The following MYO3B variants were observed in gnomAD, a reference collection of about 807,000 sequenced individuals.
MYO3B encodes myosin IIIB, also known as myosin-IIIb.
Under a neutral mutation model 174.6 loss-of-function variants are expected in MYO3B, and 156 were observed. The observed-to-expected ratio is 0.89, with a 90% CI of 0.78 to 1.02. The LOEUF (loss-of-function observed/expected upper bound fraction) is 1.02, where lower values mean the gene tolerates loss of function less well. Among genes scored for constraint, MYO3B ranks in the 50% least tolerant of loss-of-function variants. MYO3B has a pLI of 0.00. For synonymous variants in MYO3B, 563 were observed against 569.1 expected (o/e 0.99, Z 0.15); for missense variants, 1,632 against 1,639.4 (o/e 1.00, Z 0.08).
intron 1 of MYO3B, among the ~76,000 whole-genome samples, chr2:170,196,886 G>C (rs2092606406): frequency 6.6e-6 from 1 of 152,186 alleles, no homozygotes; most frequent in African/African-American, 2.4e-5. Context: ...CCTGAATTCT[G>C]CTAAGGTGTA....
intron 7 of MYO3B, among the ~76,000 whole-genome samples, chr2:170,265,820 A>G (rs781292069): frequency 6.6e-6 from 1 of 152,212 alleles, no homozygotes; most frequent in Non-Finnish European, 1.5e-5. Flanking sequence ...ATTTAAAACC[A>G]TTTACAAAAG....
At chr2:170,569,594 G>A (rs1692301379) in intron 32 of MYO3B, among the ~76,000 whole-genome samples, 1 of 151,108 alleles carries the variant, frequency 6.6e-6, no homozygotes. Context: ...GGGTGAGGTG[G>A]CTCACACCTG....
rs764664846 is a variant in MYO3B at position 170,499,772 on chromosome 2, G to A, written c.3253G>A (p.Glu1085Lys). Residue 1085 changes from glutamate (E) to lysine (K), a missense_variant, in exon 27 of 35, where the codon GAG becomes AAG. Transcript: ENST00000408978. Reference protein sequence around the residue: ...LGARRYKRVREKREKGAIAIQ... With the variant: ...LGARRYKRVRKKREKGAIAIQ... Reference sequence around the variant, plus strand: ...AGCCAGGAGATACAAAAGGGTCAGAGAGAAGAGAGAGAAGGGAGCCATTGC... The same window carrying A: ...AGCCAGGAGATACAAAAGGGTCAGAAAGAAGAGAGAGAAGGGAGCCATTGC... The A allele has an allele frequency of 1.9e-6, 3 of 1,613,642 alleles. No homozygotes were observed. Among genetic ancestry groups the A allele is most frequent in the Admixed American group, 3.3e-5 (2 of 60,000 alleles).
At chr2:170,505,285 A>C (rs1337374071) in intron 28 of MYO3B, among the ~76,000 whole-genome samples, 1 of 151,886 alleles carries the variant, frequency 6.6e-6, no homozygotes, top group Non-Finnish European at 1.5e-5. Flanking sequence ...GTGGGAAGCA[A>C]CTCTGCATAT....
chr2:170,220,985 C>T lies in MYO3B; in HGVS notation c.603+3590C>T, dbSNP rs543277580. ...TTTTTTCCAACAAAGTCTCTTTTTG[C>T]GCCATAATCCTCCATAGGAATGTCC... On this transcript the variant is annotated intron_variant, in intron 6 of 34. Coordinates refer to ENST00000408978, the MANE Select transcript of MYO3B (RefSeq NM_138995.5). 1.3e-3 allele frequency among the ~76,000 whole-genome samples: 205 copies of T among 152,208 alleles called. 1 individual carries two copies. In the Middle Eastern group the frequency reaches 0.017, roughly 13 times the overall value.
At position 170,206,666 on chromosome 2, in the gene MYO3B, A is replaced by G. The variant is rs961903221; in HGVS notation, c.321+6382A>G. 6.6e-6 allele frequency among the ~76,000 whole-genome samples: 1 copy of G among 152,228 alleles called. No individual in the cohort carries two copies. The highest frequency in any genetic ancestry group is 6.5e-5 in the Admixed American group (1 of 15,294). On this transcript the variant is annotated intron_variant, in intron 3 of 34. Transcript: ENST00000408978. The surrounding 1 kb of genome is among the most constrained non-coding windows in gnomAD (Gnocchi z 4.3). Reference sequence around the variant, plus strand: ...ATATCCAATTTTCACTGTCCAGTTCAAGGCTTAGTCATTTGGGTACGTACT... The same window carrying G: ...ATATCCAATTTTCACTGTCCAGTTCGAGGCTTAGTCATTTGGGTACGTACT...
chr2:170,191,688 G>C (rs2092542538), intron 1 of MYO3B, among the ~76,000 whole-genome samples: 1 of 152,178 alleles, frequency 6.6e-6, no homozygotes, highest in Admixed American at 6.5e-5. Flanking sequence ...CGTGCCACAT[G>C]ACTGTGGCTG....
intron 30 of MYO3B, among the ~76,000 whole-genome samples, chr2:170,529,490 T>G (rs1689210172): frequency 6.6e-6 from 1 of 152,040 alleles, no homozygotes; most frequent in Non-Finnish European, 1.5e-5. Context: ...CCTTATACTA[T>G]TTATATCTAC....
At position 170,516,462 on chromosome 2, in the gene MYO3B, T is replaced by C. The variant is rs150123839; in HGVS notation, c.3472+1440T>C. On this transcript the variant is annotated intron_variant, in intron 29 of 34. Coordinates refer to ENST00000408978, the MANE Select transcript of MYO3B (RefSeq NM_138995.5). Reference sequence around the variant, plus strand: ...ACAGACCATCCTGGCTAACACACAATGAAACCCCATCTCTACTAAAAATAC... The same window carrying C: ...ACAGACCATCCTGGCTAACACACAACGAAACCCCATCTCTACTAAAAATAC... Among the ~76,000 whole-genome samples, 144 of 152,028 alleles carry C rather than the reference T, an allele frequency of 9.5e-4. No homozygotes were observed. The East Asian group carries it at 0.026, about 28-fold the overall frequency.
At chr2:170,326,370 A>G (rs1006151022) in intron 7 of MYO3B, among the ~76,000 whole-genome samples, 10 of 152,244 alleles carry the variant, frequency 6.6e-5, no homozygotes, top group Non-Finnish European at 1.2e-4. Context: ...GAAAAAGAAC[A>G]GGGTTGTGGT....
intron 23 of MYO3B, among the ~76,000 whole-genome samples, chr2:170,456,172 G>A (rs1683897934): frequency 6.6e-6 from 1 of 152,082 alleles, no homozygotes. Flanking sequence ...GTGGGGGGGT[G>A]GGGCGGTAAA....
At chr2:170,198,911 A>G (rs934989392) in intron 1 of MYO3B, among the ~76,000 whole-genome samples, 4 of 152,134 alleles carry the variant, frequency 2.6e-5, no homozygotes, top group African/African-American at 9.7e-5. Flanking sequence ...CTGTCCAATC[A>G]TGACCAGAAC....
intron 7 of MYO3B, among the ~76,000 whole-genome samples, chr2:170,310,683 A>AAAAAAG (rs2093733296): frequency 6.6e-6 from 1 of 151,156 alleles, no homozygotes; most frequent in South Asian, 2.1e-4. Flanking sequence ...AAAAAAAAAA[A>AAAAAAG]AAAAGAAATA....
At chr2:170,314,090 G>A (rs1470687433) in intron 7 of MYO3B, among the ~76,000 whole-genome samples, 1 of 152,160 alleles carries the variant, frequency 6.6e-6, no homozygotes, top group African/African-American at 2.4e-5. Context: ...TTTCAGAAAA[G>A]TAACATCCTG....
At chr2:170,198,669 G>A (rs6736789) in intron 1 of MYO3B, among the ~76,000 whole-genome samples, 5,290 of 152,122 alleles carry the variant, frequency 0.035, 300 homozygotes, top group African/African-American at 0.12. Context: ...TATGAGTGTG[G>A]GTGCTTTAAA....
At chr2:170,372,118 C>CAAAAAAAAAAAAAAAAAAAAAAAAAAAA (rs769243145) in intron 9 of MYO3B, among the ~76,000 whole-genome samples, 2 of 22,208 alleles carry the variant, frequency 9.0e-5, no homozygotes, top group South Asian at 2.4e-3. Flanking sequence ...GACCCTGTCT[C>CAAAAAAAAAAAAAAAAAAAAAAAAAAAA]AAAAAAAAAA....
At chr2:170,262,140 T>G (rs529519635) in intron 7 of MYO3B, among the ~76,000 whole-genome samples, 3 of 152,210 alleles carry the variant, frequency 2.0e-5, no homozygotes, top group Admixed American at 2.0e-4. Context: ...ACCAAGGAGA[T>G]CCAGGGAGGC....
intron 32 of MYO3B, among the ~76,000 whole-genome samples, chr2:170,607,513 A>G (rs1261750610): frequency 1.3e-5 from 2 of 152,170 alleles, no homozygotes; most frequent in African/African-American, 4.8e-5. Context: ...TTTGGCCCAC[A>G]TTTCACTGGC....
chr2:170,497,733 A>T (rs1686971188), intron 25 of MYO3B, among the ~76,000 whole-genome samples: 1 of 152,044 alleles, frequency 6.6e-6, no homozygotes, highest in Non-Finnish European at 1.5e-5. Context: ...TCTCTTGTTT[A>T]TCTGTCTCTT....
Sources: allele counts gnomAD v4.1 joint callset (sites outside exome capture counted in the v4.1 genomes callset), GRCh38; gene constraint gnomAD v4.1.1; non-coding constraint Gnocchi (gnomAD v3.1); transcripts MANE v1.5; gene names NCBI Gene and HGNC (gene_info 2026-07-23, HGNC 2026-07-21).